The following INTS15 variants were observed in gnomAD, a reference collection of about 807,000 sequenced individuals.
The protein encoded by INTS15 is integrator complex subunit 15.
the INTS15 span, chr7:6,600,283 T>C: frequency 2.5e-6 from 4 of 1,614,186 alleles, no homozygotes. Context: ...CCCAGGAGAT[T>C]GAGCTCTCGC....
the INTS15 span, among the ~76,000 whole-genome samples, chr7:6,596,685 T>C: frequency 6.6e-6 from 1 of 150,986 alleles, no homozygotes; most frequent in African/African-American, 2.4e-5. Flanking sequence ...GGCCACCTTT[T>C]TTCTTGTTGT....
the INTS15 span, among the ~76,000 whole-genome samples, chr7:6,598,909 C>G: frequency 2.0e-5 from 3 of 151,902 alleles, no homozygotes; most frequent in African/African-American, 7.3e-5. Flanking sequence ...ACCTCAGCCT[C>G]CTGAATAGCT....
the INTS15 span, chr7:6,591,883 G>C: frequency 6.2e-7 from 1 of 1,606,406 alleles, no homozygotes; most frequent in African/African-American, 1.3e-5. Flanking sequence ...GCTCAAGAGA[G>C]ACCCTCGGCC....
the INTS15 span, among the ~76,000 whole-genome samples, chr7:6,595,172 C>G: frequency 1.3e-5 from 2 of 152,184 alleles, no homozygotes; most frequent in African/African-American, 4.8e-5. Context: ...GTTGTGACTA[C>G]AGGTGCATGC....
chr7:6,596,376 CTT>C, the INTS15 span, among the ~76,000 whole-genome samples: 5 of 107,900 alleles, frequency 4.6e-5, no homozygotes, highest in African/African-American at 7.0e-5. Flanking sequence ...ATCTGTCACC[CTT>C]TTTTTTTTTT....
the INTS15 span, chr7:6,602,742 G>A: frequency 2.1e-6 from 1 of 471,024 alleles, no homozygotes; most frequent in Admixed American, 2.3e-5. Context: ...CTCCACAAAC[G>A]CAGTCATCAG....
At chr7:6,606,191 G>A in the INTS15 span, among the ~76,000 whole-genome samples, 1 of 152,162 alleles carries the variant, frequency 6.6e-6, no homozygotes, top group East Asian at 1.9e-4. Flanking sequence ...ACTTACCCAG[G>A]GTTATTTAAT....
the INTS15 span, among the ~76,000 whole-genome samples, chr7:6,598,293 AACCCCATCTCT>A: frequency 1.3e-5 from 2 of 152,086 alleles, no homozygotes; most frequent in African/African-American, 4.8e-5. Context: ...AACATGGCGA[AACCCCATCTCT>A]ACTAAAAATA....
the INTS15 span, among the ~76,000 whole-genome samples, chr7:6,604,555 G>A: frequency 6.6e-6 from 1 of 152,154 alleles, no homozygotes; most frequent in Non-Finnish European, 1.5e-5. Flanking sequence ...TCCAGGGCAG[G>A]TGTTGGTGAG....
At chr7:6,602,132 C>T in the INTS15 span, 17 of 1,612,830 alleles carry the variant, frequency 1.1e-5, no homozygotes, top group Non-Finnish European at 1.4e-5. Context: ...CCAGGCTGCC[C>T]CATAATAAGT....
At chr7:6,597,235 T>G in the INTS15 span, among the ~76,000 whole-genome samples, 1 of 152,070 alleles carries the variant, frequency 6.6e-6, no homozygotes, top group Admixed American at 6.6e-5. Flanking sequence ...GGTATTCAGG[T>G]CTTTCATCTT....
the INTS15 span, among the ~76,000 whole-genome samples, chr7:6,597,012 T>A: frequency 1.3e-5 from 2 of 151,734 alleles, no homozygotes; most frequent in Non-Finnish European, 2.9e-5. Flanking sequence ...TCACCTGACC[T>A]CGTGATCCAC....
At chr7:6,601,501 G>A in the INTS15 span, among the ~76,000 whole-genome samples, 1 of 151,904 alleles carries the variant, frequency 6.6e-6, no homozygotes, top group Non-Finnish European at 1.5e-5. Context: ...TCACCATGTC[G>A]GCCAGGATGG....
At chr7:6,597,514 C>CA in the INTS15 span, among the ~76,000 whole-genome samples, 2 of 152,162 alleles carry the variant, frequency 1.3e-5, no homozygotes, top group African/African-American at 4.8e-5. Context: ...AGGCTGGTCT[C>CA]AAACTCCTGA....
chr7:6,607,355 A>G, the INTS15 span, among the ~76,000 whole-genome samples: 1 of 146,440 alleles, frequency 6.8e-6, no homozygotes, highest in African/African-American at 2.5e-5. The surrounding 1 kb of genome is among the most constrained non-coding windows in gnomAD (Gnocchi z 6.0). Context: ...CCGTGCTTGC[A>G]GCTGTTCTCG....
the INTS15 span, among the ~76,000 whole-genome samples, chr7:6,604,321 C>T: frequency 3.9e-5 from 6 of 152,260 alleles, no homozygotes; most frequent in East Asian, 5.8e-4. Flanking sequence ...TGTCCTACAG[C>T]GGGGTGATAC....
At chr7:6,591,275 T>C in the INTS15 span, among the ~76,000 whole-genome samples, 42 of 150,690 alleles carry the variant, frequency 2.8e-4, no homozygotes, top group Admixed American at 2.3e-3. Flanking sequence ...TTTCTTTTTT[T>C]TTTTTTTTTT....
the INTS15 span, among the ~76,000 whole-genome samples, chr7:6,593,005 G>C: frequency 1.3e-5 from 2 of 152,186 alleles, no homozygotes; most frequent in Non-Finnish European, 2.9e-5. Flanking sequence ...TCTCTTCAAT[G>C]TGATAGCAGC....
chr7:6,607,715 G>C, the INTS15 span: 3 of 1,518,628 alleles, frequency 2.0e-6, no homozygotes, highest in Non-Finnish European at 2.6e-6. The surrounding 1 kb of genome is among the most constrained non-coding windows in gnomAD (Gnocchi z 6.0). Flanking sequence ...TGCGCGCCCG[G>C]GAGTGCTACG....
Sources: allele counts gnomAD v4.1 joint callset (sites outside exome capture counted in the v4.1 genomes callset), GRCh38; gene constraint gnomAD v4.1.1; non-coding constraint Gnocchi (gnomAD v3.1); transcripts MANE v1.5; gene names NCBI Gene and HGNC (gene_info 2026-07-23, HGNC 2026-07-21).